Variants in CCDC171 observed in about 807,000 individuals in gnomAD.
CCDC171 encodes coiled-coil domain containing 171.
In CCDC171, 177 loss-of-function variants were observed where a neutral mutation model predicts 168.2. That is an observed-to-expected ratio of 1.05 (90% CI 0.93 to 1.19). The LOEUF (loss-of-function observed/expected upper bound fraction) is 1.19. Among genes scored for constraint, CCDC171 ranks in the 50% most tolerant of loss-of-function variants. CCDC171 has a pLI of 0.00. For missense variants in CCDC171, 1,991 were observed against 1,539.0 expected (o/e 1.29, Z -4.91); for synonymous variants, 687 against 540.8 (o/e 1.27, Z -3.75).
chr9:16,064,725 G>A (rs758899153), downstream of CCDC171, among the ~76,000 whole-genome samples: 2 of 152,152 alleles, frequency 1.3e-5, no homozygotes, highest in South Asian at 2.1e-4. Context: ...GAGTAGTTAC[G>A]CCACTGTCAG....
chr9:15,810,139 T>C (rs898687963), intron 21 of CCDC171, among the ~76,000 whole-genome samples: 3 of 151,936 alleles, frequency 2.0e-5, no homozygotes, highest in Admixed American at 6.5e-5. Flanking sequence ...AGAGTGCTGA[T>C]TGGTGCATTT....
intron 7 of CCDC171, among the ~76,000 whole-genome samples, chr9:15,656,090 C>T (rs758704833): frequency 2.0e-5 from 3 of 152,030 alleles, no homozygotes; most frequent in Non-Finnish European, 2.9e-5. Context: ...GAGGCCGAGG[C>T]GGGCAGATCA....
intron 10 of CCDC171, among the ~76,000 whole-genome samples, chr9:15,691,454 TG>T (rs1447945642): frequency 6.7e-6 from 1 of 149,026 alleles, no homozygotes; most frequent in African/African-American, 2.4e-5. Context: ...TTTCTCTATT[TG>T]TTTTTTTTTA....
intron 3 of CCDC171, among the ~76,000 whole-genome samples, chr9:15,997,270 G>C (rs1430435600): frequency 6.6e-6 from 1 of 152,176 alleles, no homozygotes; most frequent in African/African-American, 2.4e-5. Context: ...CTGCGTCTTA[G>C]AGAAGTCCTG....
intron 18 of CCDC171, among the ~76,000 whole-genome samples, chr9:15,764,534 G>A (rs2056620499): frequency 6.6e-6 from 1 of 152,186 alleles, no homozygotes; most frequent in Admixed American, 6.5e-5. Flanking sequence ...CAAGGCTTTT[G>A]TCTTGTGTAA....
chr9:15,745,615 C>CT lies in CCDC171; in HGVS notation c.2655_2656insT (p.Val886CysfsTer4). The CT allele has an allele frequency of 1.3e-6, 2 of 1,553,374 alleles. No individual in the cohort carries two copies. The highest frequency in any genetic ancestry group is 1.7e-6 in the Non-Finnish European group (2 of 1,153,564). On this transcript the variant is annotated frameshift_variant, in exon 18 of 26. Transcript: ENST00000380701. LOFTEE classifies it high-confidence loss of function. ...TCAGTTCTATGGCTGAATTACAAGA[C>CT]GTCATTGGTAAAGCAGGTATGGTTC...
At chr9:15,572,074 G>A (rs1315674322) in intron 3 of CCDC171, among the ~76,000 whole-genome samples, 2 of 152,136 alleles carry the variant, frequency 1.3e-5, no homozygotes, top group Admixed American at 6.5e-5. Context: ...AAATCATAAT[G>A]TAGGTTCCTT....
intron 24 of CCDC171, chr9:15,888,910 G>C (rs1468136543): frequency 7.0e-6 from 1 of 143,528 alleles, no homozygotes; most frequent in Non-Finnish European, 1.5e-5. Context: ...CTTGATGAGA[G>C]TGTTATTTAA....
At chr9:15,951,953 A>G (rs563793217) in intron 25 of CCDC171, among the ~76,000 whole-genome samples, 3 of 152,196 alleles carry the variant, frequency 2.0e-5, no homozygotes, top group African/African-American at 7.2e-5. Flanking sequence ...CCAGGGTTGT[A>G]AAGCTTTCAC....
chr9:15,874,946 A>G (rs544333529), intron 24 of CCDC171: 1 of 196,850 alleles, frequency 5.1e-6, no homozygotes, highest in African/African-American at 2.3e-5. Context: ...CTTTCCTATC[A>G]GCAGAGGACA....
intron 10 of CCDC171, among the ~76,000 whole-genome samples, chr9:15,689,481 C>A (rs565455827): frequency 6.6e-6 from 1 of 152,248 alleles, no homozygotes; most frequent in East Asian, 1.9e-4. Flanking sequence ...GAAGCCGAGG[C>A]GGGCAGATCA....
chr9:15,597,563 A>T (rs1221096612), intron 6 of CCDC171, among the ~76,000 whole-genome samples: 3 of 151,790 alleles, frequency 2.0e-5, no homozygotes, highest in Non-Finnish European at 4.4e-5. Flanking sequence ...TTTTTTGAGG[A>T]TTTTTGCATT....
chr9:15,926,202 C>T (rs1825870438), intron 25 of CCDC171, among the ~76,000 whole-genome samples: 1 of 151,612 alleles, frequency 6.6e-6, no homozygotes, highest in Admixed American at 6.6e-5. Flanking sequence ...GTGGGAAGAG[C>T]AATCAAAATA....
the CCDC171 span, among the ~76,000 whole-genome samples, chr9:16,077,804 G>A: frequency 6.6e-6 from 1 of 152,186 alleles, no homozygotes; most frequent in Non-Finnish European, 1.5e-5. Context: ...GGTTGCCCTT[G>A]GACAAATGAG....
chr9:15,935,311 A>G (rs1052634449), intron 25 of CCDC171, among the ~76,000 whole-genome samples: 2 of 151,996 alleles, frequency 1.3e-5, no homozygotes, highest in Admixed American at 1.3e-4. Flanking sequence ...TCTAGAGCAA[A>G]CTTTACTATT....
chr9:15,611,727 C>G (rs1411574446), intron 6 of CCDC171, among the ~76,000 whole-genome samples: 1 of 152,034 alleles, frequency 6.6e-6, no homozygotes, highest in Non-Finnish European at 1.5e-5. Context: ...GGGGATTTTT[C>G]AGGGAGGGAG....
chr9:15,748,276 A>G (rs2055443673), intron 18 of CCDC171, among the ~76,000 whole-genome samples: 1 of 152,202 alleles, frequency 6.6e-6, no homozygotes, highest in African/African-American at 2.4e-5. Context: ...ATTAGAGAAA[A>G]AGGAGTAAAA....
chr9:15,568,545 C>G (rs1367776989), intron 2 of CCDC171, among the ~76,000 whole-genome samples: 2 of 152,222 alleles, frequency 1.3e-5, no homozygotes, highest in African/African-American at 4.8e-5. Flanking sequence ...GCTGGGATTA[C>G]AGGCGTGAGC....
At chr9:15,651,326 C>G (rs2047504617) in intron 7 of CCDC171, among the ~76,000 whole-genome samples, 2 of 151,874 alleles carry the variant, frequency 1.3e-5, no homozygotes. Flanking sequence ...CCAGCCTGGT[C>G]TTGAACTCCT....
Sources: allele counts gnomAD v4.1 joint callset (sites outside exome capture counted in the v4.1 genomes callset), GRCh38; gene constraint gnomAD v4.1.1; transcripts MANE v1.5; gene names NCBI Gene and HGNC (gene_info 2026-07-23, HGNC 2026-07-21).